The following SLC5A10 variants were observed in gnomAD, a reference collection of about 807,000 sequenced individuals.
The protein encoded by SLC5A10 is sodium/mannose cotransporter SLC5A10.
In SLC5A10, 55 loss-of-function variants were observed where a neutral mutation model predicts 68.9. That is an observed-to-expected ratio of 0.80 (90% CI 0.64 to 1.00). The LOEUF is 1.00. SLC5A10 is among the 50% of genes least tolerant of loss of function. SLC5A10 has a pLI of 0.00. For missense variants in SLC5A10, 732 were observed against 819.3 expected (o/e 0.89, Z 1.30); for synonymous variants, 344 against 344.8 (o/e 1.00, Z 0.02).
chr17:18,983,572 A>T (rs1290599964), intron 9 of SLC5A10, among the ~76,000 whole-genome samples: 2 of 152,300 alleles, frequency 1.3e-5, no homozygotes, highest in Non-Finnish European at 1.5e-5. Context: ...TGAGCTGGGA[A>T]CAGTGAGGCC....
chr17:19,006,700 C>G (rs1246380894), intron 9 of SLC5A10, among the ~76,000 whole-genome samples: 1 of 152,234 alleles, frequency 6.6e-6, no homozygotes, highest in African/African-American at 2.4e-5. Flanking sequence ...ACCACCATTC[C>G]TAACTTCTGG....
chr17:18,974,104 G>T (rs2042923415), intron 8 of SLC5A10, among the ~76,000 whole-genome samples: 1 of 152,076 alleles, frequency 6.6e-6, no homozygotes, highest in Non-Finnish European at 1.5e-5. Context: ...TGTTGGCAAG[G>T]CTGGTCTCGA....
At chr17:18,952,120 A>C, upstream of SLC5A10, 1 of 1,519,386 alleles carries the variant, frequency 6.6e-7, no homozygotes, top group Non-Finnish European at 8.8e-7. Flanking sequence ...TTAATGATCA[A>C]TGAGCTCCCT....
chr17:18,960,504 C>T (rs2151993702), intron 4 of SLC5A10, 44 bp from the exon 5 acceptor site: 12 of 1,546,910 alleles, frequency 7.8e-6, no homozygotes, highest in Non-Finnish European at 1.1e-5. Context: ...GAGCCCTGGG[C>T]ATCATCTGGA....
rs750048574 is a variant in SLC5A10, at chr17:19,003,814, C to T, written c.983-9596C>T. Reference sequence around the variant, plus strand: ...CCGTGCCCCGAGGGTCCTCAGAGCCCGGGTCGTACACCTCGATGGTCTCCA... The same window carrying T: ...CCGTGCCCCGAGGGTCCTCAGAGCCTGGGTCGTACACCTCGATGGTCTCCA... On this transcript the variant is annotated intron_variant, in intron 9 of 14. Transcript: ENST00000395645. This position sits in a 1 kb window ranked among gnomAD's most constrained non-coding sequence, Gnocchi z 4.5. 8 of 1,612,860 alleles carry T rather than the reference C, an allele frequency of 5.0e-6. 1 individual carries two copies. Among genetic ancestry groups the T allele is most frequent in the Middle Eastern group, 1.7e-4 (1 of 6,058 alleles).
chr17:18,964,818 CG>C lies in SLC5A10; in HGVS notation c.453+4171del, dbSNP rs543586377. ...GCCTCTGGGCAGGGCCTCTGCCGGG[CG>C]GGGGTGCACCTTATTCCTGGAATGG... On this transcript the variant is annotated intron_variant, in intron 5 of 14. Coordinates refer to ENST00000395645, the MANE Select transcript of SLC5A10 (RefSeq NM_001042450.4). 1.7e-4 allele frequency among the ~76,000 whole-genome samples: 26 copies of C among 152,184 alleles called. No individual in the cohort carries two copies. The South Asian group carries it at 5.0e-3, about 29-fold the overall frequency.
At chr17:18,998,968 T>C (rs945880327) in intron 9 of SLC5A10, among the ~76,000 whole-genome samples, 4 of 152,234 alleles carry the variant, frequency 2.6e-5, no homozygotes, top group African/African-American at 9.6e-5. Context: ...AGTATTTAGC[T>C]GCCAAGGAGC....
chr17:18,966,749 C>CAAAAA (rs34809691), intron 5 of SLC5A10, among the ~76,000 whole-genome samples: 5 of 97,534 alleles, frequency 5.1e-5, no homozygotes, highest in African/African-American at 8.6e-5. Context: ...GACTCCGTCT[C>CAAAAA]AAAAAAAAAA....
chr17:18,954,477 T>C (rs1050799367), intron 1 of SLC5A10, among the ~76,000 whole-genome samples: 4 of 152,166 alleles, frequency 2.6e-5, no homozygotes, highest in African/African-American at 9.7e-5. Context: ...CCTAGCAGGC[T>C]AGGCTGGCCC....
chr17:19,006,671 C>A (rs2043899546), intron 9 of SLC5A10, among the ~76,000 whole-genome samples: 1 of 152,196 alleles, frequency 6.6e-6, no homozygotes, highest in Non-Finnish European at 1.5e-5. Context: ...TCTCTGTAGC[C>A]ATCCCCACAC....
chr17:18,967,702 T>G (rs1233059418), intron 5 of SLC5A10, among the ~76,000 whole-genome samples: 1 of 152,198 alleles, frequency 6.6e-6, no homozygotes, highest in Non-Finnish European at 1.5e-5. Context: ...TTCCCTCTCC[T>G]GGTAACTCCA....
chr17:19,020,869 C>T lies in SLC5A10; in HGVS notation c.*438C>T, dbSNP rs2152166796. On this transcript the variant is annotated 3_prime_UTR_variant, in exon 15 of 15. Transcript: ENST00000395645. Reference sequence around the variant, plus strand: ...CCACCTCCAAGGGCTCCTCCCTCCACCCACCGGCTCCCAAATGCCAGAGGG... The same window carrying T: ...CCACCTCCAAGGGCTCCTCCCTCCATCCACCGGCTCCCAAATGCCAGAGGG... The T allele has an allele frequency of 6.0e-6, 1 of 166,970 alleles. No individual in the cohort carries two copies. Among genetic ancestry groups the T allele is most frequent in the East Asian group, 1.6e-4 (1 of 6,192 alleles). 10.3% of individuals were successfully genotyped at this position (166,970 alleles called of 1,614,324 possible).
rs890942404 is a variant in SLC5A10 at position 19,016,202 on chromosome 17, C to T, written c.1241+1003C>T. Among the ~76,000 whole-genome samples, 20 of 152,240 alleles carry T rather than the reference C, an allele frequency of 1.3e-4. 2 individuals are homozygous for T. The highest frequency in any genetic ancestry group is 7.8e-4 in the Admixed American group (12 of 15,298). On this transcript the variant is annotated intron_variant, in intron 11 of 14. Coordinates refer to ENST00000395645, the MANE Select transcript of SLC5A10 (RefSeq NM_001042450.4). ...CTGGGATTGCAGGAGCGCACCACCACGCCTGGCTACTTTTTGTATTTTTAG... is the reference window on the plus strand; with the variant it reads ...CTGGGATTGCAGGAGCGCACCACCATGCCTGGCTACTTTTTGTATTTTTAG...
Position 18,952,216 on chromosome 17 carries a change from A to C in SLC5A10, c.11A>C (p.Asn4Thr), listed in dbSNP as rs374428102. 6.2e-7 allele frequency: 1 copy of C among 1,612,194 alleles called. No homozygotes were observed. Among genetic ancestry groups the C allele is most frequent in the Non-Finnish European group, 8.5e-7 (1 of 1,179,354 alleles). The part of the protein sequence containing the change: MAA[N>T]STSDLHTPGT... ...TGCGGCAGGACAGCCATGGCCGCCAACTCCACCAGCGACCTCCACACTCCC... is the reference window on the plus strand; with the variant it reads ...TGCGGCAGGACAGCCATGGCCGCCACCTCCACCAGCGACCTCCACACTCCC... Residue 4 changes from asparagine (N) to threonine (T), a missense_variant, in exon 1 of 15, where the codon AAC becomes ACC. Coordinates refer to ENST00000395645, the MANE Select transcript of SLC5A10 (RefSeq NM_001042450.4).
At chr17:18,974,842 C>T (rs1002857767) in intron 8 of SLC5A10, among the ~76,000 whole-genome samples, 2 of 152,174 alleles carry the variant, frequency 1.3e-5, no homozygotes, top group South Asian at 2.1e-4. Flanking sequence ...CAGGGAAGAG[C>T]GCCTGGCTGG....
chr17:18,999,344 C>G (rs2043662810), intron 9 of SLC5A10, among the ~76,000 whole-genome samples: 1 of 152,126 alleles, frequency 6.6e-6, no homozygotes, highest in Admixed American at 6.5e-5. Flanking sequence ...CAGTGAGGCT[C>G]TGGTGCTCCC....
At chr17:18,956,933 G>A (rs1407295299) in intron 1 of SLC5A10, among the ~76,000 whole-genome samples, 1 of 152,106 alleles carries the variant, frequency 6.6e-6, no homozygotes, top group Non-Finnish European at 1.5e-5. Context: ...CAGATCACAT[G>A]AGGTCAGGAA....
intron 8 of SLC5A10, chr17:18,976,514 G>T: frequency 3.4e-6 from 1 of 290,356 alleles, no homozygotes; most frequent in East Asian, 7.1e-5. Context: ...GAGGGTAGGG[G>T]TGTATGTCCC....
intron 5 of SLC5A10, among the ~76,000 whole-genome samples, chr17:18,961,382 G>A (rs1333882230): frequency 1.3e-5 from 2 of 152,204 alleles, no homozygotes; most frequent in African/African-American, 4.8e-5. Context: ...GGCTGAGAGA[G>A]CTGACACTAG....
Sources: gnomAD v4.1 joint callset for allele counts (sites outside exome capture counted in the v4.1 genomes callset) on GRCh38, gnomAD v4.1.1 for gene constraint, Gnocchi (gnomAD v3.1) non-coding constraint, MANE v1.5 for transcripts, NCBI Gene and HGNC (gene_info 2026-07-23, HGNC 2026-07-21) for gene names.